The following NRG1 variants were observed in gnomAD, a reference collection of about 807,000 sequenced individuals.
NRG1 encodes pro-neuregulin-1, membrane-bound isoform.
A neutral mutation model predicts 63.8 loss-of-function variants in NRG1; 18 were observed. The observed-to-expected ratio is 0.28, with a 90% CI of 0.19 to 0.42. The LOEUF (loss-of-function observed/expected upper bound fraction) is 0.42, where lower values mean the gene tolerates loss of function less well. Among genes scored for constraint, NRG1 ranks in the 10% least tolerant of loss-of-function variants. NRG1 has a pLI of 1.00. For synonymous variants in NRG1, 302 were observed against 301.3 expected, an observed-to-expected ratio of 1.00 and a Z score of -0.02; for missense variants, 762 against 814.7, an observed-to-expected ratio of 0.94 and a Z score of 0.79.
At chr8:31,950,998 G>A (rs905853891) in intron 1 of NRG1, among the ~76,000 whole-genome samples, 3 of 152,110 alleles carry the variant, frequency 2.0e-5, no homozygotes, top group African/African-American at 2.4e-5. Flanking sequence ...AGGATAATGC[G>A]GTGCATTACA....
At chr8:32,106,805 A>G (rs2131406281) in intron 1 of NRG1, among the ~76,000 whole-genome samples, 1 of 152,340 alleles carries the variant, frequency 6.6e-6, no homozygotes, top group Non-Finnish European at 1.5e-5. Flanking sequence ...GTCAAAATCA[A>G]ATTAAGAATA....
intron 1 of NRG1, among the ~76,000 whole-genome samples, chr8:31,676,720 C>G (rs1807740814): frequency 6.6e-6 from 1 of 152,198 alleles, no homozygotes; most frequent in African/African-American, 2.4e-5. Flanking sequence ...AGCCAGGTTT[C>G]AAATTTTAGC....
At chr8:31,819,790 C>T (rs764851652) in intron 1 of NRG1, among the ~76,000 whole-genome samples, 5 of 152,208 alleles carry the variant, frequency 3.3e-5, no homozygotes, top group Non-Finnish European at 7.3e-5. Context: ...CATAAGCTAA[C>T]ATTTCCTAAT....
intron 1 of NRG1, among the ~76,000 whole-genome samples, chr8:32,253,235 G>T (rs1849323041): frequency 6.6e-6 from 1 of 152,078 alleles, no homozygotes; most frequent in African/African-American, 2.4e-5. Flanking sequence ...ATACAATGTT[G>T]AATAGGAGTG....
At chr8:32,686,912 G>A (rs186177009) in intron 5 of NRG1, among the ~76,000 whole-genome samples, 166 of 152,318 alleles carry the variant, frequency 1.1e-3, no homozygotes, top group Non-Finnish European at 1.7e-3. Flanking sequence ...AGGAGGTGTA[G>A]CCTGCTAGCA....
At chr8:32,083,461 G>A (rs7009855) in intron 1 of NRG1, among the ~76,000 whole-genome samples, 4,659 of 152,154 alleles carry the variant, frequency 0.031, 253 homozygotes, top group African/African-American at 0.11. Context: ...TAAAATGAAT[G>A]GTGGATTGTG....
chr8:31,759,313 T>C (rs977794087), intron 1 of NRG1, among the ~76,000 whole-genome samples: 4 of 152,130 alleles, frequency 2.6e-5, no homozygotes, highest in African/African-American at 7.2e-5. Context: ...ACTATTTGCC[T>C]ATCAAGTTTA....
At chr8:32,397,465 A>G (rs1812586699) in intron 1 of NRG1, among the ~76,000 whole-genome samples, 1 of 151,972 alleles carries the variant, frequency 6.6e-6, no homozygotes, top group African/African-American at 2.4e-5. Flanking sequence ...GTGATTTCCA[A>G]GTATCTATAC....
chr8:31,684,951 C>A (rs188904114), intron 1 of NRG1, among the ~76,000 whole-genome samples: 1 of 152,150 alleles, frequency 6.6e-6, no homozygotes, highest in Non-Finnish European at 1.5e-5. Context: ...AGGAGAATAT[C>A]ACAAGGTGCA....
At chr8:32,221,329 G>T (rs1448717093) in intron 1 of NRG1, among the ~76,000 whole-genome samples, 6 of 152,098 alleles carry the variant, frequency 3.9e-5, no homozygotes, top group African/African-American at 1.4e-4. Flanking sequence ...CTTGATGCAC[G>T]GTGGAGAAAG....
intron 1 of NRG1, among the ~76,000 whole-genome samples, chr8:32,532,023 A>C (rs13255598): frequency 6.6e-6 from 1 of 152,144 alleles, no homozygotes; most frequent in African/African-American, 2.4e-5. Flanking sequence ...TCCCTGACAT[A>C]CTAGAATTTA....
At chr8:32,382,542 A>G (rs935190288) in intron 1 of NRG1, among the ~76,000 whole-genome samples, 23 of 152,316 alleles carry the variant, frequency 1.5e-4, no homozygotes, top group African/African-American at 5.5e-4. Context: ...CTACCTGGAA[A>G]TATAAGATTA....
intron 1 of NRG1, among the ~76,000 whole-genome samples, chr8:32,136,170 A>G (rs1563827810): frequency 6.6e-6 from 1 of 152,218 alleles, no homozygotes. Flanking sequence ...GTTGCTGTTC[A>G]GGATAATGAA....
At chr8:32,692,487 T>C (rs1812012014) in intron 5 of NRG1, among the ~76,000 whole-genome samples, 2 of 152,164 alleles carry the variant, frequency 1.3e-5, no homozygotes. Context: ...AAGTCCCCTC[T>C]AAGGAGGGAA....
At chr8:32,325,613 A>G (rs1563317455) in intron 1 of NRG1, among the ~76,000 whole-genome samples, 1 of 152,166 alleles carries the variant, frequency 6.6e-6, no homozygotes, top group Non-Finnish European at 1.5e-5. Flanking sequence ...TCCTGGGCAT[A>G]AGTGATTCTC....
chr8:32,639,858 A>G (rs887201811), intron 5 of NRG1, among the ~76,000 whole-genome samples: 7 of 152,228 alleles, frequency 4.6e-5, no homozygotes, highest in Non-Finnish European at 1.0e-4. Flanking sequence ...CTGAATTTAT[A>G]TTAAACCGAC....
intron 1 of NRG1, among the ~76,000 whole-genome samples, chr8:32,488,078 G>T (rs1428049992): frequency 1.3e-5 from 2 of 152,276 alleles, no homozygotes; most frequent in East Asian, 3.9e-4. Flanking sequence ...TTAACTTGCA[G>T]CACTTTCTTC....
At chr8:31,992,970 CAATT>C (rs888012763) in intron 1 of NRG1, among the ~76,000 whole-genome samples, 139 of 152,072 alleles carry the variant, frequency 9.1e-4, no homozygotes, top group African/African-American at 3.0e-3. Context: ...ATTACCCAAA[CAATT>C]AGTCAGCTAA....
At chr8:32,395,824 A>G (rs1484357154) in intron 1 of NRG1, among the ~76,000 whole-genome samples, 3 of 151,598 alleles carry the variant, frequency 2.0e-5, no homozygotes, top group Non-Finnish European at 4.4e-5. Flanking sequence ...GATAACAAGG[A>G]TTTTCTCCTA....
Sources: allele counts gnomAD v4.1 joint callset (sites outside exome capture counted in the v4.1 genomes callset), GRCh38; gene constraint gnomAD v4.1.1; transcripts MANE v1.5; gene names NCBI Gene and HGNC (gene_info 2026-07-23, HGNC 2026-07-21).